Variants in GMDS observed in about 807,000 individuals in gnomAD.
GMDS encodes GDP-mannose 4,6-dehydratase.
In GMDS, 20 loss-of-function variants were observed where a neutral mutation model predicts 49.9. The observed-to-expected ratio is 0.40, with a 90% CI of 0.28 to 0.58. The LOEUF is 0.58. GMDS is among the 20% of genes least tolerant of loss of function. GMDS has a pLI of 0.42. For synonymous variants in GMDS, 177 were observed against 178.6 expected, an observed-to-expected ratio of 0.99 and a Z score of 0.07; for missense variants, 362 against 481.4, an observed-to-expected ratio of 0.75 and a Z score of 2.32.
chr6:1,635,417 G>A lies in GMDS; in HGVS notation c.988-10877C>T, dbSNP rs531309059. On this transcript the variant is annotated intron_variant, in intron 9 of 10. Coordinates refer to ENST00000380815, the MANE Select transcript of GMDS (RefSeq NM_001500.4). The surrounding 1 kb of genome is among the most constrained non-coding windows in gnomAD (Gnocchi z 4.7). ...CACTTTCATCCTCCGGCTGCAGCAG[G>A]AGGAAGTCCGAGAGGGGGCCTTTCA... 1.3e-5 allele frequency among the ~76,000 whole-genome samples: 2 copies of A among 152,342 alleles called. No homozygotes were observed. Among genetic ancestry groups the A allele is most frequent in the South Asian group, 4.1e-4 (2 of 4,830 alleles).
At chr6:1,733,812 A>G (rs1766912125) in intron 8 of GMDS, among the ~76,000 whole-genome samples, 1 of 151,138 alleles carries the variant, frequency 6.6e-6, no homozygotes, top group East Asian at 2.0e-4. Flanking sequence ...AGATCGTGCT[A>G]CTGCACTCCA....
chr6:1,879,518 T>C (rs1047859669), intron 7 of GMDS, among the ~76,000 whole-genome samples: 1 of 152,072 alleles, frequency 6.6e-6, no homozygotes, highest in Admixed American at 6.5e-5. Flanking sequence ...ATTTTTATGT[T>C]AAGCTAAAAA....
At chr6:1,875,189 A>C (rs994659305) in intron 7 of GMDS, among the ~76,000 whole-genome samples, 1 of 152,182 alleles carries the variant, frequency 6.6e-6, no homozygotes, top group Non-Finnish European at 1.5e-5. Context: ...GAAGTTAATA[A>C]ATTTAAATTA....
chr6:1,726,666 G>A (rs570592074), intron 8 of GMDS, among the ~76,000 whole-genome samples, 154 bp from the exon 9 acceptor site: 1 of 152,324 alleles, frequency 6.6e-6, no homozygotes, highest in South Asian at 2.1e-4. Flanking sequence ...GATTATTAAA[G>A]CAACGGCGAC....
In GMDS at chr6:1,644,752, G is replaced by A. The variant is rs571740829; in HGVS notation, c.988-20212C>T. Among the ~76,000 whole-genome samples, 9 of 152,218 alleles carry A rather than the reference G, an allele frequency of 5.9e-5. 1 individual carries two copies. The highest frequency in any genetic ancestry group is 2.2e-4 in the African/African-American group (9 of 41,534). ...AGGGTTCACGGCCACCCCCACTGCC[G>A]TTTCTTGCACCTGTACTGTGAGCCT... On this transcript the variant is annotated intron_variant, in intron 9 of 10. Transcript: ENST00000380815.
At chr6:1,816,492 T>C (rs1457765993) in intron 7 of GMDS, among the ~76,000 whole-genome samples, 1 of 152,202 alleles carries the variant, frequency 6.6e-6, no homozygotes, top group African/African-American at 2.4e-5. Context: ...GATTTATTCA[T>C]ATACAGTGGC....
chr6:1,990,430 T>G (rs574000275), intron 4 of GMDS, among the ~76,000 whole-genome samples: 1 of 152,338 alleles, frequency 6.6e-6, no homozygotes, highest in South Asian at 2.1e-4. Context: ...AATTCTCCAT[T>G]GACTTCACCT....
chr6:2,135,595 A>ACATCATCATCATCAT (rs61342699), intron 1 of GMDS, among the ~76,000 whole-genome samples: 3 of 149,422 alleles, frequency 2.0e-5, no homozygotes, highest in African/African-American at 7.3e-5. Flanking sequence ...CACATCTACC[A>ACATCATCATCATCAT]CATCATCATC....
intron 7 of GMDS, among the ~76,000 whole-genome samples, chr6:1,801,737 G>A (rs777060828): frequency 5.3e-5 from 8 of 152,228 alleles, no homozygotes; most frequent in African/African-American, 1.4e-4. Context: ...TATGTTTTCC[G>A]CACACAGAGG....
chr6:2,069,969 G>A (rs1367407820), intron 4 of GMDS, among the ~76,000 whole-genome samples: 5 of 151,842 alleles, frequency 3.3e-5, no homozygotes, highest in East Asian at 1.9e-4. Flanking sequence ...ACATGCACAC[G>A]TATGTTTATT....
intron 7 of GMDS, among the ~76,000 whole-genome samples, chr6:1,809,853 G>T (rs567856890): frequency 6.6e-6 from 1 of 152,210 alleles, no homozygotes; most frequent in Non-Finnish European, 1.5e-5. Context: ...ACGGTAACCG[G>T]AGGGTGATAC....
At chr6:2,203,115 T>C (rs919243947) in intron 1 of GMDS, among the ~76,000 whole-genome samples, 6 of 152,218 alleles carry the variant, frequency 3.9e-5, no homozygotes, top group Non-Finnish European at 7.3e-5. Flanking sequence ...CAACATAAAT[T>C]ACTTTTCCTC....
intron 7 of GMDS, among the ~76,000 whole-genome samples, chr6:1,762,866 G>C (rs1008939832): frequency 7.2e-5 from 11 of 152,096 alleles, no homozygotes; most frequent in African/African-American, 2.7e-4. Flanking sequence ...TCTTTGCTTC[G>C]AGACATTAGG....
intron 4 of GMDS, among the ~76,000 whole-genome samples, chr6:2,073,977 G>A (rs1453369431): frequency 6.6e-6 from 1 of 152,106 alleles, no homozygotes; most frequent in Non-Finnish European, 1.5e-5. Context: ...CAATAAACAT[G>A]CAAGTGCAGG....
At chr6:1,797,275 C>A (rs149510100) in intron 7 of GMDS, among the ~76,000 whole-genome samples, 76 of 152,260 alleles carry the variant, frequency 5.0e-4, no homozygotes, top group African/African-American at 1.8e-3. Context: ...CGTCCCCACC[C>A]CCCAGTCAGT....
At chr6:2,190,926 C>T (rs1197983354) in intron 1 of GMDS, among the ~76,000 whole-genome samples, 6 of 152,062 alleles carry the variant, frequency 3.9e-5, no homozygotes, top group African/African-American at 9.7e-5. Flanking sequence ...AGGCAGGACC[C>T]GCTCCCAGGC....
chr6:2,018,628 CATA>C (rs1171039695), intron 4 of GMDS, among the ~76,000 whole-genome samples: 1 of 152,094 alleles, frequency 6.6e-6, no homozygotes, highest in Non-Finnish European at 1.5e-5. Flanking sequence ...TTTCACTTAC[CATA>C]ATGTTTTCAA....
At chr6:2,071,834 A>C (rs891791594) in intron 4 of GMDS, among the ~76,000 whole-genome samples, 102 of 152,178 alleles carry the variant, frequency 6.7e-4, no homozygotes, top group African/African-American at 2.4e-3. Flanking sequence ...TCCAAGCTCG[A>C]GCTGCTTATG....
chr6:1,652,739 G>GAGAC lies in GMDS; in HGVS notation c.988-28203_988-28200dup, dbSNP rs1330375724. Among the ~76,000 whole-genome samples the GAGAC allele has an allele frequency of 3.2e-4, 13 of 40,414 alleles. 3 individuals are homozygous for GAGAC. The highest frequency in any genetic ancestry group is 1.4e-3 in the South Asian group (2 of 1,464). 26.5% of individuals were successfully genotyped at this position (40,414 alleles called of 152,430 possible). ...ATATATAGAGAGAGAGAGAGAGAGA[G>GAGAC]AGACAGACAGACAGACAGACAGACA... On this transcript the variant is annotated intron_variant, in intron 9 of 10. Transcript: ENST00000380815.
Sources: gnomAD v4.1 joint callset for allele counts (sites outside exome capture counted in the v4.1 genomes callset) on GRCh38, gnomAD v4.1.1 for gene constraint, Gnocchi (gnomAD v3.1) non-coding constraint, MANE v1.5 for transcripts, NCBI Gene and HGNC (gene_info 2026-07-23, HGNC 2026-07-21) for gene names.